ABCB6: variants seen among roughly 807,000 people sequenced by gnomAD.
ABCB6 encodes the protein ATP-binding cassette sub-family B member 6.
Under a neutral mutation model 99.4 loss-of-function variants are expected in ABCB6, and 87 were observed. The ratio of observed to expected loss-of-function variants is 0.88; its 90% CI spans 0.74 to 1.05. The LOEUF (loss-of-function observed/expected upper bound fraction) is 1.05. ABCB6 is among the 50% of genes least tolerant of loss of function. The pLI is 0.00. For missense variants in ABCB6, 1,050 were observed against 1,097.9 expected (o/e 0.96, Z 0.62); for synonymous variants, 482 against 447.5 (o/e 1.08, Z -0.97).
At chr2:219,212,963 G>C (rs775589869) in intron 13 of ABCB6, 45 bp downstream of exon 13, 1 of 1,601,790 alleles carries the variant, frequency 6.2e-7, no homozygotes, top group Non-Finnish European at 8.5e-7. Flanking sequence ...CACTGAATGA[G>C]GGAAGCTTGA....
intron 14 of ABCB6, among the ~76,000 whole-genome samples, chr2:219,211,588 G>A (rs767263814): frequency 6.7e-6 from 1 of 148,164 alleles, no homozygotes; most frequent in Non-Finnish European, 1.5e-5. Context: ...ACAGGTGTGA[G>A]CCACCACACC....
chr2:219,213,716 T>A lies in ABCB6; in HGVS notation c.1579-50A>T, dbSNP rs752345844. 4 of 1,613,232 alleles carry A rather than the reference T, an allele frequency of 2.5e-6. No homozygotes were observed. In the South Asian group the frequency reaches 3.3e-5, roughly 13 times the overall value. ...ATGTCACGGGGGGCCTGCAGGCCGC[T>A]CTTCTTGTGTCACCCTGCCCACTTC... is the stretch of plus-strand genomic sequence containing the variant. On this transcript the variant is annotated intron_variant, in intron 9 of 18. Transcript: ENST00000265316.
At position 219,216,715 on chromosome 2, in the gene ABCB6, G is replaced by A. The variant is rs2106428751; in HGVS notation, c.805C>T (p.Leu269=). ...GCCCGTTCCAAACCCATGAGCCCCAGGCAGATGAGCACCACCAGCTGCAGA... is the reference window on the plus strand; with the variant it reads ...GCCCGTTCCAAACCCATGAGCCCCAAGCAGATGAGCACCACCAGCTGCAGA... The part of the protein sequence containing the change: ...PALQLVVLIC[L]GLMGLERALN... The change falls in exon 3 of 19, where the codon CTG becomes TTG. Residue 269 remains leucine, a synonymous_variant. Transcript: ENST00000265316. The surrounding 1 kb of genome is among the most constrained non-coding windows in gnomAD (Gnocchi z 4.2). The A allele has an allele frequency of 1.9e-6, 3 of 1,601,854 alleles. No homozygotes were observed. The East Asian group carries it at 6.8e-5, about 36-fold the overall frequency.
At chr2:219,217,893 C>G in intron 1 of ABCB6, 86 bp from the exon 2 acceptor site, 1 of 1,262,216 alleles carries the variant, frequency 7.9e-7, no homozygotes, top group Non-Finnish European at 1.1e-6. Context: ...GGACTGGTGT[C>G]ATGAACACAT....
At chr2:219,217,017 G>A (rs935856021) in intron 2 of ABCB6, among the ~76,000 whole-genome samples, 185 bp from the exon 3 acceptor site, 1 of 152,190 alleles carries the variant, frequency 6.6e-6, no homozygotes, top group Non-Finnish European at 1.5e-5. Context: ...TTCATTTTGG[G>A]GGAAGGAATG....
At position 219,218,418 on chromosome 2, in the gene ABCB6, G is replaced by C; in HGVS notation, c.256C>G (p.Leu86Val). ...CGGCCAGCCAGGCCGGCCAGGGGCA[G>C]CGCCGCCTGAAGTGTGGCCAGAAGC... ...QLLLATLQAA[L>V]PLAGLAGRVG... The change falls in exon 1 of 19, where the codon CTG (leucine) becomes GTG (valine). Residue 86 changes from leucine to valine, a missense_variant. Leu to Val is a conservative substitution (Grantham distance 32, BLOSUM62 1). Transcript: ENST00000265316. The C allele has an allele frequency of 6.2e-7, 1 of 1,611,246 alleles. No individual in the cohort carries two copies. Among genetic ancestry groups the C allele is most frequent in the Non-Finnish European group, 8.5e-7 (1 of 1,179,070 alleles).
At position 219,216,457 on chromosome 2, in the gene ABCB6, G is replaced by A. The variant is rs13018440; in HGVS notation, c.877C>T (p.Leu293=). The change falls in exon 4 of 19, where the codon CTG becomes TTG. Residue 293 remains leucine (L), a synonymous_variant. Coordinates refer to ENST00000265316, the MANE Select transcript of ABCB6 (RefSeq NM_005689.4). This position sits in a 1 kb window ranked among gnomAD's most constrained non-coding sequence, Gnocchi z 4.2. ...PIFYRNIVNL[L]TEKAPWNSLA... is the part of the protein sequence containing the mutation. ...GAGTTCCAAGGTGCCTTCTCAGTCA[G>A]CAAGTTCACTGTGGAGGAAACGAGT... The A allele has an allele frequency of 1.9e-6, 3 of 1,613,926 alleles. No homozygotes were observed. The highest frequency in any genetic ancestry group is 4.5e-5 in the East Asian group (2 of 44,876).
At chr2:219,212,599 T>C (rs1950592423) in intron 13 of ABCB6, 108 bp from the exon 14 acceptor site, 2 of 804,786 alleles carry the variant, frequency 2.5e-6, no homozygotes, top group East Asian at 2.6e-5. Flanking sequence ...CTCAGCTCAC[T>C]AGAACCTCTG....
chr2:219,216,621 A>G lies in ABCB6; in HGVS notation c.868+31T>C, dbSNP rs758331139. On this transcript the variant is annotated intron_variant, in intron 3 of 18. Coordinates refer to ENST00000265316, the MANE Select transcript of ABCB6 (RefSeq NM_005689.4). The surrounding 1 kb of genome is among the most constrained non-coding windows in gnomAD (Gnocchi z 4.2). ...CCAGCCACCAGGCTGATGAAGGACC[A>G]GCACACTGAGCTGGTGCTCCTCCTG... The G allele has an allele frequency of 9.7e-6, 15 of 1,546,572 alleles. No individual in the cohort carries two copies. Among genetic ancestry groups the G allele is most frequent in the African/African-American group, 1.4e-5 (1 of 73,128 alleles).
Position 219,216,254 on chromosome 2 carries a change from G to A in ABCB6, c.971-74C>T, listed in dbSNP as rs1950640357. On this transcript the variant is annotated intron_variant, in intron 4 of 18. Coordinates refer to ENST00000265316, the MANE Select transcript of ABCB6 (RefSeq NM_005689.4). This position sits in a 1 kb window ranked among gnomAD's most constrained non-coding sequence, Gnocchi z 4.2. ...GTCAGCCCAGCACCAGGATGTGAAA[G>A]GTCTGAGAGTACATGGGGGCTGGGG... The A allele has an allele frequency of 6.4e-7, 1 of 1,571,672 alleles. No homozygotes were observed. Among genetic ancestry groups the A allele is most frequent in the Non-Finnish European group, 8.7e-7 (1 of 1,153,506 alleles).
At position 219,210,051 on chromosome 2, in the gene ABCB6, G is replaced by A. The variant is rs1950555491; in HGVS notation, c.2421-5C>T. On this transcript the variant is annotated splice_region_variant and splice_polypyrimidine_tract_variant and intron_variant, in intron 18 of 18. Coordinates refer to ENST00000265316, the MANE Select transcript of ABCB6 (RefSeq NM_005689.4). ...CGGGACAACAGAGCCTCGTGTCTGGGGTGAGGAGAAAAGTGTGAGTCCTAA... is the reference window on the plus strand; with the variant it reads ...CGGGACAACAGAGCCTCGTGTCTGGAGTGAGGAGAAAAGTGTGAGTCCTAA... The A allele has an allele frequency of 1.2e-6, 2 of 1,613,594 alleles. No homozygotes were observed. Among genetic ancestry groups the A allele is most frequent in the South Asian group, 1.1e-5 (1 of 91,066 alleles).
At chr2:219,211,492 G>T (rs1030314540) in intron 14 of ABCB6, among the ~76,000 whole-genome samples, 8 of 151,962 alleles carry the variant, frequency 5.3e-5, no homozygotes, top group African/African-American at 1.9e-4. Context: ...TGTTGAGATG[G>T]GGTTGCCAGG....
At chr2:219,211,954 G>A (rs937489914) in intron 14 of ABCB6, among the ~76,000 whole-genome samples, 1 of 151,996 alleles carries the variant, frequency 6.6e-6, no homozygotes, top group Non-Finnish European at 1.5e-5. Context: ...TCGTAGAGAC[G>A]GGGTTTCACT....
At position 219,210,748 on chromosome 2, in the gene ABCB6, G is replaced by C; in HGVS notation, c.2219C>G (p.Thr740Ser). The C allele has an allele frequency of 6.2e-7, 1 of 1,613,734 alleles. No individual in the cohort carries two copies. The highest frequency in any genetic ancestry group is 8.5e-7 in the Non-Finnish European group (1 of 1,180,010). ...AATGATGCCCGGAGCCTTGAGGATG[G>C]TGCGGGCAATGGCGACGCGCTGCTT... ...GEKQRVAIARTILKAPGIILL... is the reference protein window; with the variant it reads ...GEKQRVAIARSILKAPGIILL... Residue 740 changes from threonine (T) to serine (S), a missense_variant, in exon 16 of 19, where the codon ACC becomes AGC. Transcript: ENST00000265316.
Position 219,216,192 on chromosome 2 carries a change from C to G in ABCB6, c.971-12G>C. Reference sequence around the variant, plus strand: ...GTTGCTCACGAAGCCTGCAGGGAGCCGGGGGACGCCTCAGTAGGGCCTGGG... The same window carrying G: ...GTTGCTCACGAAGCCTGCAGGGAGCGGGGGGACGCCTCAGTAGGGCCTGGG... On this transcript the variant is annotated splice_polypyrimidine_tract_variant and intron_variant, in intron 4 of 18. Transcript: ENST00000265316. The surrounding 1 kb of genome is among the most constrained non-coding windows in gnomAD (Gnocchi z 4.2). 1 of 1,579,012 alleles carries G rather than the reference C, an allele frequency of 6.3e-7. No homozygotes were observed.
intron 16 of ABCB6, 104 bp from the exon 17 acceptor site, chr2:219,210,579 G>A: frequency 6.3e-7 from 1 of 1,585,900 alleles, no homozygotes; most frequent in Non-Finnish European, 8.6e-7. Context: ...AGCCTTGTTT[G>A]GGCTTGAGAA....
At position 219,211,090 on chromosome 2, in the gene ABCB6, GGA is replaced by G. The variant is rs387906909; in HGVS notation, c.1985_1986del (p.Leu662ProfsTer15). The G allele has an allele frequency of 3.1e-5, 50 of 1,614,018 alleles. No homozygotes were observed. Among genetic ancestry groups the G allele is most frequent in the Middle Eastern group, 1.6e-4 (1 of 6,084 alleles). ...QDISQVTQAS[L>X]RSHIGVVPQD... ...TGGGGCACAACTCCAATGTGAGACC[GGA>G]GAGAGGCCTGGGTCACCTAGGGCCA... On this transcript the variant is annotated frameshift_variant, in exon 15 of 19. Transcript: ENST00000265316. LOFTEE classifies it high-confidence loss of function.
In ABCB6 at chr2:219,210,225, C is replaced by G; in HGVS notation, c.2420+5G>C. On this transcript the variant is annotated splice_donor_5th_base_variant and intron_variant, in intron 18 of 18. Transcript: ENST00000265316. ...ACCTGTCCTTTTGATCTATGTGTCT[C>G]TTACCGTCCCCTCTCCACGATGCAG... 6.2e-7 allele frequency: 1 copy of G among 1,614,214 alleles called. No individual in the cohort carries two copies. The highest frequency in any genetic ancestry group is 1.1e-5 in the South Asian group (1 of 91,088).
At position 219,217,811 on chromosome 2, in the gene ABCB6, G is replaced by A. The variant is rs1950662958; in HGVS notation, c.550-4C>T. 3 of 1,607,286 alleles carry A rather than the reference G, an allele frequency of 1.9e-6. No individual in the cohort carries two copies. The highest frequency in any genetic ancestry group is 1.7e-5 in the Admixed American group (1 of 58,468). ...GCACCCACAGGCTAAACTGAACCTA[G>A]AATGAAATATAAGTGGAGAGAGTAT... is the stretch of plus-strand genomic sequence containing the variant. On this transcript the variant is annotated splice_region_variant and splice_polypyrimidine_tract_variant and intron_variant, in intron 1 of 18. Transcript: ENST00000265316.
Sources: allele counts gnomAD v4.1 joint callset (sites outside exome capture counted in the v4.1 genomes callset), GRCh38; gene constraint gnomAD v4.1.1; non-coding constraint Gnocchi (gnomAD v3.1); transcripts MANE v1.5; gene names NCBI Gene and HGNC (gene_info 2026-07-23, HGNC 2026-07-21).